The following PLEKHG3 variants were observed in gnomAD, a reference collection of about 807,000 sequenced individuals.
PLEKHG3 encodes pleckstrin homology and RhoGEF domain containing G3.
A neutral mutation model predicts 94.9 loss-of-function variants in PLEKHG3; 62 were observed. The ratio of observed to expected loss-of-function variants is 0.65; its 90% CI spans 0.53 to 0.81. The LOEUF (loss-of-function observed/expected upper bound fraction) is 0.81, where lower values mean the gene tolerates loss of function less well. Among genes scored for constraint, PLEKHG3 ranks in the 30% least tolerant of loss-of-function variants. PLEKHG3 has a pLI of 0.00. For missense variants in PLEKHG3, 1,461 were observed against 1,619.3 expected (o/e 0.90, Z 1.68); for synonymous variants, 614 against 654.0 (o/e 0.94, Z 0.93).
In PLEKHG3 at chr14:64,748,248, C is replaced by G. The variant is rs937320910; in HGVS notation, c.*4545C>G. ...TGCCCAGCCATTACCCTCCAAAGTCCCAGCTGCAGACAGGATGCAATTGAG... is the reference window on the plus strand; with the variant it reads ...TGCCCAGCCATTACCCTCCAAAGTCGCAGCTGCAGACAGGATGCAATTGAG... On this transcript the variant is annotated 3_prime_UTR_variant, in exon 17 of 17. Coordinates refer to ENST00000247226, the MANE Select transcript of PLEKHG3 (RefSeq NM_001308147.2). The G allele has an allele frequency of 2.7e-5, 4 of 149,710 alleles. No individual in the cohort carries two copies. Among genetic ancestry groups the G allele is most frequent in the Non-Finnish European group, 5.9e-5 (4 of 68,004 alleles). The allele number at this position is 149,710 out of a possible 1,614,324, so 9.3% of individuals were successfully genotyped here.
chr14:64,730,554 C>A lies in PLEKHG3; in HGVS notation c.520-88C>A. 2 of 1,085,468 alleles carry A rather than the reference C, an allele frequency of 1.8e-6. No individual in the cohort carries two copies. The highest frequency in any genetic ancestry group is 1.3e-5 in the South Asian group (1 of 76,402). 67.2% of individuals were successfully genotyped at this position (1,085,468 alleles called of 1,614,324 possible). ...ATTTGGGAACAGGGGACAGAGGGTG[C>A]TCTGGGGGCCAGGGGCCTATCTGCT... is the stretch of plus-strand genomic sequence containing the variant. On this transcript the variant is annotated intron_variant, in intron 4 of 16. Coordinates refer to ENST00000247226, the MANE Select transcript of PLEKHG3 (RefSeq NM_001308147.2). The surrounding 1 kb of genome is among the most constrained non-coding windows in gnomAD (Gnocchi z 5.4).
chr14:64,730,539 A>G lies in PLEKHG3; in HGVS notation c.520-103A>G. ...GATGGCTCTGTAGGCATTTGGGAAC[A>G]GGGGACAGAGGGTGCTCTGGGGGCC... On this transcript the variant is annotated intron_variant, in intron 4 of 16. Transcript: ENST00000247226. The surrounding 1 kb of genome is among the most constrained non-coding windows in gnomAD (Gnocchi z 5.4). 1 of 945,322 alleles carries G rather than the reference A, an allele frequency of 1.1e-6. No individual in the cohort carries two copies. Among genetic ancestry groups the G allele is most frequent in the South Asian group, 1.4e-5 (1 of 70,928 alleles). 58.6% of individuals were successfully genotyped at this position (945,322 alleles called of 1,614,324 possible).
Position 64,743,308 on chromosome 14 carries a change from C to T in PLEKHG3, c.3265C>T (p.Pro1089Ser), listed in dbSNP as rs1336523622. The T allele has an allele frequency of 1.4e-5, 22 of 1,608,158 alleles. No individual in the cohort carries two copies. The highest frequency in any genetic ancestry group is 1.8e-5 in the Non-Finnish European group (21 of 1,178,718). ...CTCGGTGCCGGAGAACATGGTAGAG[C>T]CACCTCTGTCGGGCAGGGTGGGCCG... ...SHSVPENMVE[P>S]PLSGRVGRCR... The change falls in exon 17 of 17, where the codon CCA (proline) becomes TCA (serine). Residue 1089 changes from proline to serine, a missense_variant. Physicochemically the swap from Pro to Ser is moderately conservative, Grantham distance 74. This residue lies in a region of PLEKHG3 where 1,201 missense variants were observed against 1,295.5 expected (regional missense o/e 0.93). Transcript: ENST00000247226. The surrounding 1 kb of genome is among the most constrained non-coding windows in gnomAD (Gnocchi z 7.2).
rs760782635 is a variant in PLEKHG3, at chr14:64,743,337, C to A, written c.3294C>A (p.Cys1098Ter). ...CTCTGTCGGGCAGGGTGGGCCGCTG[C>A]CGCAGCCTGAGCACCAAGAGGGGCC... The part of the protein sequence containing the change: ...EPPLSGRVGR[C>*]RSLSTKRGRG... Residue 1098 changes from cysteine (C) to a stop codon, truncating the protein, a stop_gained, in exon 17 of 17, where the codon TGC becomes TGA. Coordinates refer to ENST00000247226, the MANE Select transcript of PLEKHG3 (RefSeq NM_001308147.2). LOFTEE classifies it low-confidence loss of function (END_TRUNC). This position sits in a 1 kb window ranked among gnomAD's most constrained non-coding sequence, Gnocchi z 7.2. 1 of 1,607,182 alleles carries A rather than the reference C, an allele frequency of 6.2e-7. No individual in the cohort carries two copies. Among genetic ancestry groups the A allele is most frequent in the Non-Finnish European group, 8.5e-7 (1 of 1,177,400 alleles).
In PLEKHG3 at chr14:64,741,832, G is replaced by A. The variant is rs768838041; in HGVS notation, c.2315G>A (p.Gly772Glu). ...GACCCAGAGCCAGTACCTCCAGTGG[G>A]GAGCAAGAGACAGGTGGGCTCCCGG... ...RPDPEPVPPV[G>E]SKRQVGSRPT... is the part of the protein sequence containing the mutation. Residue 772 changes from glycine to glutamate, a missense_variant, in exon 16 of 17, where the codon GGG becomes GAG. Gly to Glu is a moderately conservative substitution (Grantham distance 98, BLOSUM62 -2). This residue lies in a region of PLEKHG3 where 1,201 missense variants were observed against 1,295.5 expected (regional missense o/e 0.93). Coordinates refer to ENST00000247226, the MANE Select transcript of PLEKHG3 (RefSeq NM_001308147.2). 3 of 1,613,532 alleles carry A rather than the reference G, an allele frequency of 1.9e-6. No homozygotes were observed. In the African/African-American group the frequency reaches 4.0e-5, roughly 22 times the overall value.
Position 64,716,464 on chromosome 14 carries a change from ACAACACAC to A in PLEKHG3, c.-39-11128_-39-11121del, listed in dbSNP as rs1445581676. On this transcript the variant is annotated intron_variant, in intron 1 of 16. Coordinates refer to ENST00000247226, the MANE Select transcript of PLEKHG3 (RefSeq NM_001308147.2). The surrounding 1 kb of genome is among the most constrained non-coding windows in gnomAD (Gnocchi z 5.0). ...CACACACACACACACACACACACAC[ACAACACAC>A]ACACACACAACACACACACACACAA... 2.6e-5 allele frequency among the ~76,000 whole-genome samples: 3 copies of A among 114,898 alleles called. No individual in the cohort carries two copies. The highest frequency in any genetic ancestry group is 3.8e-5 in the Non-Finnish European group (2 of 52,034). The allele number at this position is 114,898 out of a possible 152,430, so 75.4% of individuals were successfully genotyped here. A position where few individuals can be genotyped will look rare whatever the true frequency, so the allele number is the denominator to read the frequency against.
chr14:64,709,379 A>G (rs2081030737), intron 1 of PLEKHG3, among the ~76,000 whole-genome samples: 1 of 152,150 alleles, frequency 6.6e-6, no homozygotes, highest in South Asian at 2.1e-4. Context: ...AGGGCTTTAT[A>G]CAGTTCTGGC....
At chr14:64,742,762 C>G (rs1057436400) in intron 16 of PLEKHG3, among the ~76,000 whole-genome samples, 1 of 152,230 alleles carries the variant, frequency 6.6e-6, no homozygotes, top group African/African-American at 2.4e-5. Context: ...AGCTCTCCCC[C>G]TCTGCCTTTG....
intron 12 of PLEKHG3, 83 bp from the exon 13 acceptor site, chr14:64,736,770 C>A: frequency 1.0e-6 from 1 of 981,912 alleles, no homozygotes; most frequent in Non-Finnish European, 1.7e-6. Flanking sequence ...TGGTGATGGG[C>A]TGGTGGCGCT....
Position 64,741,946 on chromosome 14 carries a change from C to G in PLEKHG3, c.2429C>G (p.Pro810Arg). The change falls in exon 16 of 17, where the codon CCA becomes CGA. Residue 810 changes from proline to arginine, a missense_variant. Pro to Arg is a moderately radical substitution (Grantham distance 103). This residue lies in a region of PLEKHG3 where 1,201 missense variants were observed against 1,295.5 expected (regional missense o/e 0.93). Coordinates refer to ENST00000247226, the MANE Select transcript of PLEKHG3 (RefSeq NM_001308147.2). ...PPPISDAEFR[P>R]SSEIVKIWEG... Reference sequence around the variant, plus strand: ...CCCATCTCAGATGCTGAGTTCCGCCCATCTTCAGAAATTGTGAAGATCTGG... The same window carrying G: ...CCCATCTCAGATGCTGAGTTCCGCCGATCTTCAGAAATTGTGAAGATCTGG... 6.3e-7 allele frequency: 1 copy of G among 1,578,876 alleles called. No individual in the cohort carries two copies. The highest frequency in any genetic ancestry group is 8.6e-7 in the Non-Finnish European group (1 of 1,164,410).
rs535171300 is a variant in PLEKHG3 at position 64,738,167 on chromosome 14, C to T, written c.1405-575C>T. ...CCGACTTTGCCAGCTCCCTGCTGGC[C>T]GCCCTCCACTGCTGGCACTATCGGG... On this transcript the variant is annotated intron_variant, in intron 14 of 16. Coordinates refer to ENST00000247226, the MANE Select transcript of PLEKHG3 (RefSeq NM_001308147.2). This position sits in a 1 kb window ranked among gnomAD's most constrained non-coding sequence, Gnocchi z 4.8. 15 of 1,292,534 alleles carry T rather than the reference C, an allele frequency of 1.2e-5. No homozygotes were observed. Among genetic ancestry groups the T allele is most frequent in the Middle Eastern group, 2.4e-4 (1 of 4,102 alleles). The allele number at this position is 1,292,534 out of a possible 1,614,324, so 80.1% of individuals were successfully genotyped here.
intron 12 of PLEKHG3, among the ~76,000 whole-genome samples, chr14:64,734,870 G>A (rs1188086408): frequency 6.6e-6 from 1 of 151,632 alleles, no homozygotes; most frequent in African/African-American, 2.4e-5. Context: ...ACAGGCACGC[G>A]TCACCACGCC....
At chr14:64,736,791 G>C in intron 12 of PLEKHG3, 62 bp from the exon 13 acceptor site, 2 of 1,275,762 alleles carry the variant, frequency 1.6e-6, no homozygotes, top group Non-Finnish European at 2.3e-6. Flanking sequence ...GTGAGCTTGG[G>C]ACCCAGCCAG....
At chr14:64,710,163 T>C (rs766117636) in intron 1 of PLEKHG3, among the ~76,000 whole-genome samples, 1 of 152,200 alleles carries the variant, frequency 6.6e-6, no homozygotes, top group African/African-American at 2.4e-5. Context: ...GTTCTTCCCA[T>C]AATGTGTTCC....
At chr14:64,736,930 G>GGGA in intron 13 of PLEKHG3, 39 bp downstream of exon 13, 1 of 1,445,156 alleles carries the variant, frequency 6.9e-7, no homozygotes, top group Non-Finnish European at 9.7e-7. Context: ...CAGTGAGCGG[G>GGGA]GGAGGAGGAG....
rs1187531506 is a variant in PLEKHG3, at chr14:64,726,507, T to A, written c.-39-1086T>A. Among the ~76,000 whole-genome samples the A allele has an allele frequency of 6.6e-6, 1 of 152,120 alleles. No homozygotes were observed. Among genetic ancestry groups the A allele is most frequent in the Non-Finnish European group, 1.5e-5 (1 of 68,018 alleles). The stretch of plus-strand genomic sequence containing the variant: ...GGTGTTGCATGGGTGTCCCTGTCCT[T>A]CCCAAAGGCTGCAGCCTGAAGTAGT... On this transcript the variant is annotated intron_variant, in intron 1 of 16. Coordinates refer to ENST00000247226, the MANE Select transcript of PLEKHG3 (RefSeq NM_001308147.2). The surrounding 1 kb of genome is among the most constrained non-coding windows in gnomAD (Gnocchi z 5.1).
rs768016449 is a variant in PLEKHG3 at position 64,741,220 on chromosome 14, G to T, written c.1703G>T (p.Ser568Ile). Residue 568 changes from serine to isoleucine, a missense_variant, in exon 16 of 17, where the codon AGC becomes ATC. Around this residue, in one of 3 missense-constraint regions of PLEKHG3, gnomAD observed 1,201 missense variants for 1,295.5 expected, o/e 0.93. Transcript: ENST00000247226. ...GDMVDFVAAE[S>I]TEDLKALSSE... ...ATGGTGGACTTCGTGGCAGCTGAGA[G>T]CACTGAGGACCTTAAGGCCCTGAGC... The T allele has an allele frequency of 3.7e-6, 6 of 1,613,946 alleles. No homozygotes were observed. Among genetic ancestry groups the T allele is most frequent in the Non-Finnish European group, 5.1e-6 (6 of 1,179,996 alleles).
chr14:64,729,732 C>T (rs2081423298), intron 3 of PLEKHG3, among the ~76,000 whole-genome samples: 1 of 152,100 alleles, frequency 6.6e-6, no homozygotes, highest in South Asian at 2.1e-4. Flanking sequence ...CTGGAGAAGT[C>T]TGGGAGGGCA....
In PLEKHG3 at chr14:64,715,685, T is replaced by C; in HGVS notation, c.-40+10981T>C. The C allele has an allele frequency of 4.0e-6, 1 of 250,360 alleles. No individual in the cohort carries two copies. Among genetic ancestry groups the C allele is most frequent in the South Asian group, 3.7e-5 (1 of 27,198 alleles). The allele number at this position is 250,360 out of a possible 1,614,324, so 15.5% of individuals were successfully genotyped here. On this transcript the variant is annotated intron_variant, in intron 1 of 16. Transcript: ENST00000247226. This position sits in a 1 kb window ranked among gnomAD's most constrained non-coding sequence, Gnocchi z 4.4. The stretch of plus-strand genomic sequence containing the variant: ...TCTGGCTTTGTTCTGAAGTCTTCAG[T>C]ATTTGATTCCTGCAGTTAGTATCCC...
Sources: gnomAD v4.1 joint callset for allele counts (sites outside exome capture counted in the v4.1 genomes callset) on GRCh38, gnomAD v4.1.1 for gene constraint, gnomAD v4.1.1 regional missense constraint, Gnocchi (gnomAD v3.1) non-coding constraint, MANE v1.5 for transcripts, NCBI Gene and HGNC (gene_info 2026-07-23, HGNC 2026-07-21) for gene names.